Variants in PPP2R1B observed in about 807,000 individuals in gnomAD.
PPP2R1B encodes serine/threonine-protein phosphatase 2A 65 kDa regulatory subunit A beta isoform.
Under a neutral mutation model 72.7 loss-of-function variants are expected in PPP2R1B, and 58 were observed. The observed-to-expected ratio is 0.80, with a 90% CI of 0.65 to 0.99. The LOEUF is 0.99. Among genes scored for constraint, PPP2R1B ranks in the 50% least tolerant of loss-of-function variants. PPP2R1B has a pLI of 0.00. For missense variants in PPP2R1B, 695 were observed against 733.6 expected (o/e 0.95, Z 0.61); for synonymous variants, 256 against 264.6 (o/e 0.97, Z 0.32).
chr11:111,761,458 A>G (rs976918155), intron 3 of PPP2R1B, among the ~76,000 whole-genome samples: 1 of 152,246 alleles, frequency 6.6e-6, no homozygotes, highest in Admixed American at 6.5e-5. Flanking sequence ...ACAGGATAAC[A>G]GCTTGTCAGG....
chr11:111,756,688 T>G (rs1206948725), intron 5 of PPP2R1B, among the ~76,000 whole-genome samples: 1 of 152,130 alleles, frequency 6.6e-6, no homozygotes, highest in Non-Finnish European at 1.5e-5. Flanking sequence ...CAGAATAACT[T>G]TGAGGAAGCT....
the PPP2R1B span, chr11:111,719,710 T>C: frequency 6.7e-7 from 1 of 1,496,162 alleles, no homozygotes; most frequent in South Asian, 1.2e-5. Flanking sequence ...TGACATGTTT[T>C]CCTTTGTGGA....
chr11:111,738,811 A>G lies in PPP2R1B; in HGVS notation c.*2785T>C. 1 of 985,470 alleles carries G rather than the reference A, an allele frequency of 1.0e-6. No homozygotes were observed. Among genetic ancestry groups the G allele is most frequent in the Non-Finnish European group, 1.2e-6 (1 of 829,970 alleles). The allele number at this position is 985,470 out of a possible 1,614,324, so 61.0% of individuals were successfully genotyped here. A position where few individuals can be genotyped will look rare whatever the true frequency, so the allele number is the denominator to read the frequency against. Reference sequence around the variant, plus strand: ...AACCTGTGAGGGGTAAACCCCACACAAATTACAGAGAGAAACACCAAGGTG... The same window carrying G: ...AACCTGTGAGGGGTAAACCCCACACGAATTACAGAGAGAAACACCAAGGTG... On this transcript the variant is annotated 3_prime_UTR_variant, in exon 15 of 15. Coordinates refer to ENST00000527614, the MANE Select transcript of PPP2R1B (RefSeq NM_002716.5).
In PPP2R1B at chr11:111,764,864, C is replaced by A; in HGVS notation, c.247G>T (p.Glu83Ter). 6.2e-7 allele frequency: 1 copy of A among 1,614,072 alleles called. No individual in the cohort carries two copies. The highest frequency in any genetic ancestry group is 1.6e-4 in the Middle Eastern group (1 of 6,062). Residue 83 changes from glutamate to a stop codon, truncating the protein, a stop_gained, in exon 3 of 15, where the codon GAG becomes TAG. Transcript: ENST00000527614. LOFTEE classifies it high-confidence loss of function. ...AGGCCAGTGAAATTTCCCAGCTGCTCAGCAAGAGCTAATAGTACCTCATCT... is the reference window on the plus strand; with the variant it reads ...AGGCCAGTGAAATTTCCCAGCTGCTAAGCAAGAGCTAATAGTACCTCATCT... ...DEDEVLLALA[E>*]QLGNFTGLVG...
the PPP2R1B span, among the ~76,000 whole-genome samples, chr11:111,697,890 G>A: frequency 2.0e-5 from 3 of 152,198 alleles, no homozygotes; most frequent in African/African-American, 4.8e-5. Flanking sequence ...TGAGTCTATG[G>A]TCCCAGCTGC....
At position 111,741,558 on chromosome 11, in the gene PPP2R1B, C is replaced by T. The variant is rs376806306; in HGVS notation, c.*38G>A. On this transcript the variant is annotated 3_prime_UTR_variant, in exon 15 of 15. Transcript: ENST00000527614. The stretch of plus-strand genomic sequence containing the variant: ...GAACACATTGACTAGAAATTTGTGA[C>T]AAGAATCTAGTAAAGGCCTTTTCCC... 6.2e-5 allele frequency: 100 copies of T among 1,606,834 alleles called. No individual in the cohort carries two copies. The highest frequency in any genetic ancestry group is 5.0e-4 in the Middle Eastern group (3 of 6,060).
At chr11:111,712,945 G>T in the PPP2R1B span, among the ~76,000 whole-genome samples, 1 of 152,028 alleles carries the variant, frequency 6.6e-6, no homozygotes, top group Non-Finnish European at 1.5e-5. Context: ...CGGGCAGATT[G>T]CCTGAGCTCA....
chr11:111,688,017 T>C, the PPP2R1B span: 1 of 1,614,180 alleles, frequency 6.2e-7, no homozygotes, highest in Non-Finnish European at 8.5e-7. The surrounding 1 kb of genome is among the most constrained non-coding windows in gnomAD (Gnocchi z 4.2). Flanking sequence ...TTGCTAATCA[T>C]GGCCGGTTAA....
Position 111,759,196 on chromosome 11 carries a change from G to C in PPP2R1B, c.687+608C>G, listed in dbSNP as rs184362216. Among the ~76,000 whole-genome samples, 284 of 152,278 alleles carry C rather than the reference G, an allele frequency of 1.9e-3. 4 individuals carry two copies. The highest frequency in any genetic ancestry group is 0.016 in the Admixed American group (241 of 15,298). On this transcript the variant is annotated intron_variant, in intron 5 of 14. Transcript: ENST00000527614. ...AGTTACTTAAACTTTCTGTGCCTTTGTTTTCTAATGTGTAAAATGGGCTAT... is the reference window on the plus strand; with the variant it reads ...AGTTACTTAAACTTTCTGTGCCTTTCTTTTCTAATGTGTAAAATGGGCTAT...
the PPP2R1B span, among the ~76,000 whole-genome samples, chr11:111,697,417 G>A: frequency 1.3e-5 from 2 of 152,184 alleles, no homozygotes; most frequent in African/African-American, 4.8e-5. Flanking sequence ...AACTTAGTCT[G>A]ATGGGATAGA....
Position 111,742,538 on chromosome 11 carries a change from G to A in PPP2R1B, c.1682C>T (p.Pro561Leu). 6.2e-7 allele frequency: 1 copy of A among 1,613,074 alleles called. No individual in the cohort carries two copies. Among genetic ancestry groups the A allele is most frequent in the South Asian group, 1.1e-5 (1 of 90,934 alleles). ...AAAATCTTACTTGGTATCTAGAATT[G>A]GTCCAATCTTTTGTAGAGATTTGGC... ...NVAKSLQKIG[P>L]ILDTNALQGE... Residue 561 changes from proline to leucine, a missense_variant, in exon 13 of 15, where the codon CCA (proline) becomes CTA (leucine). Transcript: ENST00000527614.
At chr11:111,705,725 A>G in the PPP2R1B span, among the ~76,000 whole-genome samples, 3 of 152,226 alleles carry the variant, frequency 2.0e-5, no homozygotes, top group Non-Finnish European at 2.9e-5. The surrounding 1 kb of genome is among the most constrained non-coding windows in gnomAD (Gnocchi z 4.3). Flanking sequence ...GAGTTTACTT[A>G]CAATTCAAGA....
chr11:111,699,702 G>C, the PPP2R1B span, among the ~76,000 whole-genome samples: 1 of 152,204 alleles, frequency 6.6e-6, no homozygotes, highest in South Asian at 2.1e-4. Flanking sequence ...TGCCTAAGGT[G>C]CACATGTATG....
the PPP2R1B span, among the ~76,000 whole-genome samples, chr11:111,695,163 T>C: frequency 4.6e-5 from 7 of 152,232 alleles, no homozygotes; most frequent in Non-Finnish European, 7.3e-5. Context: ...TTCACTCCTA[T>C]TATAATTACA....
intron 15 of PPP2R1B, among the ~76,000 whole-genome samples, chr11:111,731,298 C>T (rs370764541): frequency 4.6e-5 from 7 of 152,174 alleles, no homozygotes; most frequent in African/African-American, 2.4e-5. Flanking sequence ...GGAGGTGCTG[C>T]GAGCTGCCAG....
chr11:111,723,832 C>T (rs45441402), downstream of PPP2R1B: 1 of 1,613,710 alleles, frequency 6.2e-7, no homozygotes, highest in East Asian at 2.2e-5. Context: ...CGCCACCACC[C>T]CCTCCACCAC....
the PPP2R1B span, among the ~76,000 whole-genome samples, chr11:111,704,740 G>A: frequency 6.6e-6 from 1 of 152,092 alleles, no homozygotes; most frequent in African/African-American, 2.4e-5. Context: ...AAAATAAATG[G>A]ATCTTGTTAA....
At chr11:111,732,713 C>T (rs1156961065) in intron 15 of PPP2R1B, among the ~76,000 whole-genome samples, 1 of 152,046 alleles carries the variant, frequency 6.6e-6, no homozygotes, top group Non-Finnish European at 1.5e-5. Context: ...AACAAACAAA[C>T]AAAGCTCAGA....
intron 5 of PPP2R1B, 49 bp from the exon 6 acceptor site, chr11:111,755,499 GGA>G: frequency 6.5e-7 from 1 of 1,544,368 alleles, no homozygotes; most frequent in Non-Finnish European, 8.7e-7. Flanking sequence ...AGACCCATGG[GGA>G]ACTGCTGTGG....
Sources: allele counts gnomAD v4.1 joint callset (sites outside exome capture counted in the v4.1 genomes callset), GRCh38; gene constraint gnomAD v4.1.1; non-coding constraint Gnocchi (gnomAD v3.1); transcripts MANE v1.5; gene names NCBI Gene and HGNC (gene_info 2026-07-23, HGNC 2026-07-21).